The following HLF variants were observed in gnomAD, a reference collection of about 807,000 sequenced individuals.
The protein encoded by HLF is hepatic leukemia factor.
Under a neutral mutation model 22.6 loss-of-function variants are expected in HLF, and 3 were observed. The ratio of observed to expected loss-of-function variants is 0.13; its 90% CI spans 0.06 to 0.34. The LOEUF (loss-of-function observed/expected upper bound fraction) is 0.34, where lower values mean the gene tolerates loss of function less well. Among genes scored for constraint, HLF ranks in the 10% least tolerant of loss-of-function variants. HLF has a pLI of 1.00. For synonymous variants in HLF, 151 were observed against 151.8 expected (o/e 0.99, Z 0.04); for missense variants, 299 against 389.2 (o/e 0.77, Z 1.95).
chr17:55,266,964 C>A, intron 1 of HLF: 1 of 193,868 alleles, frequency 5.2e-6, no homozygotes, highest in Non-Finnish European at 9.4e-6. Context: ...TAAATTGGAT[C>A]ATACTCAAAT....
chr17:55,321,689 C>G lies in HLF; in HGVS notation c.*810C>G, dbSNP rs1322961916. ...TTTCCCTACCTAAGAATTTCACTGT[C>G]TTTTAAAAAACAAAAAGTAAAGTAA... is the stretch of plus-strand genomic sequence containing the variant. On this transcript the variant is annotated 3_prime_UTR_variant, in exon 4 of 4. Coordinates refer to ENST00000226067, the MANE Select transcript of HLF (RefSeq NM_002126.5). The G allele has an allele frequency of 8.7e-6, 2 of 228,832 alleles. No individual in the cohort carries two copies. The highest frequency in any genetic ancestry group is 1.7e-5 in the Non-Finnish European group (2 of 115,182). 14.2% of individuals were successfully genotyped at this position (228,832 alleles called of 1,614,324 possible). A position where few individuals can be genotyped will look rare whatever the true frequency, so the allele number is the denominator to read the frequency against.
intron 2 of HLF, among the ~76,000 whole-genome samples, chr17:55,280,474 A>C (rs2080943440): frequency 6.6e-6 from 1 of 152,224 alleles, no homozygotes; most frequent in Non-Finnish European, 1.5e-5. Context: ...CTGTGCCTGC[A>C]TATGTCTTCT....
chr17:55,317,759 A>T (rs1043582133), intron 3 of HLF, among the ~76,000 whole-genome samples: 8 of 152,218 alleles, frequency 5.3e-5, no homozygotes, highest in African/African-American at 1.9e-4. Context: ...GTTCAATGAA[A>T]TGGCCCCACT....
At chr17:55,288,440 G>A (rs935895561) in intron 2 of HLF, among the ~76,000 whole-genome samples, 14 of 152,136 alleles carry the variant, frequency 9.2e-5, no homozygotes, top group South Asian at 2.1e-4. Flanking sequence ...GAGCCACCAC[G>A]CCCGGCCAGT....
intron 2 of HLF, chr17:55,273,755 CT>C (rs11319874): frequency 0.58 from 81,817 of 140,374 alleles, 23,832 homozygotes; most frequent in Admixed American, 0.68. Context: ...TGCTGGCTTG[CT>C]TTTTTTTTTT....
At chr17:55,300,358 C>G (rs1161025840) in intron 2 of HLF, among the ~76,000 whole-genome samples, 2 of 152,268 alleles carry the variant, frequency 1.3e-5, no homozygotes, top group Non-Finnish European at 2.9e-5. Flanking sequence ...TTCCCCAGGA[C>G]TTTTTCTTTG....
intron 2 of HLF, among the ~76,000 whole-genome samples, chr17:55,313,763 T>C (rs539350822): frequency 2.6e-5 from 4 of 152,312 alleles, no homozygotes; most frequent in Admixed American, 2.0e-4. Context: ...ACAGCTTGGC[T>C]AATGAGAACT....
intron 2 of HLF, among the ~76,000 whole-genome samples, chr17:55,293,704 G>A (rs1476760635): frequency 1.3e-5 from 2 of 152,172 alleles, no homozygotes; most frequent in African/African-American, 4.8e-5. Context: ...TAGGTGGCAG[G>A]GCTGGAACAT....
chr17:55,304,770 C>G (rs1478430655), intron 2 of HLF, among the ~76,000 whole-genome samples: 3 of 152,170 alleles, frequency 2.0e-5, no homozygotes, highest in Non-Finnish European at 4.4e-5. Context: ...AAGGGGCCTT[C>G]CCACATACTG....
At chr17:55,269,518 C>T (rs77491813) in intron 2 of HLF, among the ~76,000 whole-genome samples, 8,653 of 152,242 alleles carry the variant, frequency 0.057, 809 homozygotes, top group African/African-American at 0.2. Context: ...AGTTATGCCT[C>T]GGTCATTGTG....
chr17:55,314,086 T>C (rs1333519262), intron 2 of HLF, among the ~76,000 whole-genome samples: 1 of 152,170 alleles, frequency 6.6e-6, no homozygotes, highest in Non-Finnish European at 1.5e-5. Context: ...CTCTCATTTA[T>C]TCATGGGGCG....
At chr17:55,283,326 G>A (rs9911895) in intron 2 of HLF, among the ~76,000 whole-genome samples, 44,235 of 151,846 alleles carry the variant, frequency 0.29, 10,501 homozygotes, top group African/African-American at 0.65. Context: ...AGGTGCCTGA[G>A]AAGTCATTTT....
intron 2 of HLF, among the ~76,000 whole-genome samples, chr17:55,309,506 C>T (rs938624746): frequency 1.1e-4 from 17 of 152,092 alleles, no homozygotes; most frequent in African/African-American, 3.6e-4. Flanking sequence ...CAGATTATGG[C>T]TACGTGGGAT....
Position 55,320,079 on chromosome 17 carries a change from T to G in HLF, c.673-585T>G, listed in dbSNP as rs1212281384. On this transcript the variant is annotated intron_variant, in intron 3 of 3. Coordinates refer to ENST00000226067, the MANE Select transcript of HLF (RefSeq NM_002126.5). This position sits in a 1 kb window ranked among gnomAD's most constrained non-coding sequence, Gnocchi z 4.2. ...ATCATAACGTGGTTGTTAAATCTCC[T>G]ATGCATAGTTTTTCCTCATTTTTTC... Among the ~76,000 whole-genome samples the G allele has an allele frequency of 6.6e-6, 1 of 152,202 alleles. No individual in the cohort carries two copies. The highest frequency in any genetic ancestry group is 2.4e-5 in the African/African-American group (1 of 41,446).
At chr17:55,267,479 T>A in intron 1 of HLF, 1 of 367,016 alleles carries the variant, frequency 2.7e-6, no homozygotes, top group Admixed American at 4.2e-5. Flanking sequence ...GTGCTGAGAC[T>A]GTTCTCTGGT....
At chr17:55,304,524 G>A (rs4794563) in intron 2 of HLF, among the ~76,000 whole-genome samples, 75,293 of 152,084 alleles carry the variant, frequency 0.5, 20,099 homozygotes, top group East Asian at 0.73. Flanking sequence ...AAGCATGATG[G>A]TAAACACCAC....
In HLF at chr17:55,320,733, C is replaced by T; in HGVS notation, c.742C>T (p.Leu248=). Residue 248 remains leucine, a synonymous_variant, in exon 4 of 4, where the codon CTG becomes TTG. Coordinates refer to ENST00000226067, the MANE Select transcript of HLF (RefSeq NM_002126.5). This position sits in a 1 kb window ranked among gnomAD's most constrained non-coding sequence, Gnocchi z 4.2. ...CAAGCGCTCCCGCGACGCCCGGAGG[C>T]TGAAAGAGAACCAGATCGCCATCCG... The part of the protein sequence containing the change: ...AAKRSRDARR[L]KENQIAIRAS... 1 of 1,614,192 alleles carries T rather than the reference C, an allele frequency of 6.2e-7. No homozygotes were observed. Among genetic ancestry groups the T allele is most frequent in the Non-Finnish European group, 8.5e-7 (1 of 1,180,024 alleles).
intron 2 of HLF, among the ~76,000 whole-genome samples, chr17:55,289,577 T>C (rs2081040059): frequency 6.6e-6 from 1 of 152,228 alleles, no homozygotes; most frequent in South Asian, 2.1e-4. Flanking sequence ...CATAAAATTA[T>C]TCCTATGACA....
intron 2 of HLF, among the ~76,000 whole-genome samples, chr17:55,312,593 A>G (rs1432369428): frequency 1.3e-5 from 2 of 152,228 alleles, no homozygotes; most frequent in Non-Finnish European, 2.9e-5. Flanking sequence ...AACTTGAGAT[A>G]TGTGGGTAGT....
Sources: allele counts gnomAD v4.1 joint callset (sites outside exome capture counted in the v4.1 genomes callset), GRCh38; gene constraint gnomAD v4.1.1; non-coding constraint Gnocchi (gnomAD v3.1); transcripts MANE v1.5; gene names NCBI Gene and HGNC (gene_info 2026-07-23, HGNC 2026-07-21).